Variants in SASH1 observed in about 807,000 individuals in gnomAD.
The protein encoded by SASH1 is SAM and SH3 domain containing 1, also known as SAM and SH3 domain-containing protein 1.
Under a neutral mutation model 125.2 loss-of-function variants are expected in SASH1, and 44 were observed. The ratio of observed to expected loss-of-function variants is 0.35; its 90% CI spans 0.28 to 0.45. The LOEUF is 0.45. Among genes scored for constraint, SASH1 ranks in the 20% least tolerant of loss-of-function variants. The pLI, the probability that SASH1 is intolerant of heterozygous loss-of-function variation, is 1.00. For synonymous variants in SASH1, 639 were observed against 649.1 expected (o/e 0.98, Z 0.24); for missense variants, 1,426 against 1,614.5 (o/e 0.88, Z 2.00).
chr6:148,200,458 T>C, the SASH1 span, among the ~76,000 whole-genome samples: 2 of 152,236 alleles, frequency 1.3e-5, no homozygotes, highest in Non-Finnish European at 2.9e-5. Flanking sequence ...CTTATCATTA[T>C]TGATGTGGCT....
the SASH1 span, among the ~76,000 whole-genome samples, chr6:148,217,224 C>T: frequency 3.3e-5 from 5 of 152,210 alleles, no homozygotes; most frequent in African/African-American, 4.8e-5. Flanking sequence ...TAGACAGACT[C>T]GAGCCAGACT....
At chr6:148,252,411 A>G in the SASH1 span, among the ~76,000 whole-genome samples, 1 of 151,912 alleles carries the variant, frequency 6.6e-6, no homozygotes, top group African/African-American at 2.4e-5. Flanking sequence ...CAACAGCTAC[A>G]TCATGGCTAT....
At chr6:148,423,962 A>G (rs983288811) in intron 2 of SASH1, among the ~76,000 whole-genome samples, 2 of 151,930 alleles carry the variant, frequency 1.3e-5, no homozygotes, top group Admixed American at 6.6e-5. Flanking sequence ...CACTCCAATC[A>G]AGTAGTGGAA....
chr6:148,337,137 C>T (rs1362077752), intron 1 of SASH1, among the ~76,000 whole-genome samples: 1 of 152,096 alleles, frequency 6.6e-6, no homozygotes, highest in Non-Finnish European at 1.5e-5. Context: ...CGGCTCACTG[C>T]AACCTCCGCC....
chr6:148,431,696 G>A (rs2114978523), intron 2 of SASH1, among the ~76,000 whole-genome samples: 1 of 151,728 alleles, frequency 6.6e-6, no homozygotes, highest in African/African-American at 2.4e-5. Flanking sequence ...TGGGACGGCT[G>A]GTTCGTCTGA....
intron 1 of SASH1, among the ~76,000 whole-genome samples, chr6:148,328,408 C>G (rs550342461): frequency 6.6e-6 from 1 of 152,108 alleles, no homozygotes; most frequent in African/African-American, 2.4e-5. Flanking sequence ...GCCTGGCTAA[C>G]ATGGTGAAAC....
chr6:148,505,688 C>T (rs1056234083), intron 8 of SASH1, among the ~76,000 whole-genome samples: 18 of 149,572 alleles, frequency 1.2e-4, no homozygotes, highest in African/African-American at 3.0e-4. Flanking sequence ...GTCACCCAGG[C>T]GTGCAGTGGC....
intron 9 of SASH1, among the ~76,000 whole-genome samples, chr6:148,517,998 C>G (rs1780542266): frequency 6.6e-6 from 1 of 152,168 alleles, no homozygotes; most frequent in African/African-American, 2.4e-5. Flanking sequence ...GTTGGGCTGC[C>G]CCTGCCACAG....
chr6:148,275,053 A>G (rs1378970967), intron 1 of SASH1, among the ~76,000 whole-genome samples: 2 of 152,136 alleles, frequency 1.3e-5, no homozygotes, highest in Non-Finnish European at 2.9e-5. Context: ...TTTGTAAGCC[A>G]TTGTTTAGAA....
At chr6:148,317,506 C>A (rs911186328) in intron 1 of SASH1, among the ~76,000 whole-genome samples, 32 of 152,250 alleles carry the variant, frequency 2.1e-4, no homozygotes, top group Non-Finnish European at 4.0e-4. Context: ...CTCACCGCAA[C>A]CTCCGCCTCC....
chr6:148,533,548 C>T lies in SASH1; in HGVS notation c.1735-223C>T, dbSNP rs940727831. On this transcript the variant is annotated intron_variant, in intron 14 of 19. Transcript: ENST00000367467. The surrounding 1 kb of genome is among the most constrained non-coding windows in gnomAD (Gnocchi z 6.2). ...GGCAGGAGGGTGGAGGGGCTGTGACCGGGGGCCTGCGTGGAATTCCGTACA... is the reference window on the plus strand; with the variant it reads ...GGCAGGAGGGTGGAGGGGCTGTGACTGGGGGCCTGCGTGGAATTCCGTACA... Among the ~76,000 whole-genome samples the T allele has an allele frequency of 6.6e-6, 1 of 152,026 alleles. No homozygotes were observed. The highest frequency in any genetic ancestry group is 1.5e-5 in the Non-Finnish European group (1 of 68,012).
chr6:148,517,852 G>A (rs556788557), intron 9 of SASH1, among the ~76,000 whole-genome samples: 31 of 152,318 alleles, frequency 2.0e-4, no homozygotes, highest in African/African-American at 7.0e-4. Context: ...CTTAGGATAC[G>A]CAGGGTGGAC....
At chr6:148,360,633 G>GCCCCCC (rs1458950843) in intron 1 of SASH1, among the ~76,000 whole-genome samples, 2 of 44,366 alleles carry the variant, frequency 4.5e-5, no homozygotes, top group African/African-American at 8.7e-5. Flanking sequence ...ACAGGCGTGA[G>GCCCCCC]CCACCCCCCC....
chr6:148,532,934 A>T lies in SASH1; in HGVS notation c.1702A>T (p.Ser568Cys), dbSNP rs779014627. 36 of 1,614,182 alleles carry T rather than the reference A, an allele frequency of 2.2e-5. No individual in the cohort carries two copies. Among genetic ancestry groups the T allele is most frequent in the Non-Finnish European group, 3.0e-5 (35 of 1,180,034 alleles). ...CAGGGTGCACACCGACTTCACCCCC[A>T]GTCCCTATGACACAGACTCACTCAA... ...RARVHTDFTP[S>C]PYDTDSLKLK... Residue 568 changes from serine (S) to cysteine (C), a missense_variant, in exon 14 of 20, where the codon AGT becomes TGT. By Grantham distance (112) the Ser-to-Cys change is moderately radical. This residue lies in a region of SASH1 where 225 missense variants were observed against 344.5 expected (regional missense o/e 0.65). Transcript: ENST00000367467. The surrounding 1 kb of genome is among the most constrained non-coding windows in gnomAD (Gnocchi z 4.7).
At chr6:148,359,329 T>TTTG (rs1782095935) in intron 1 of SASH1, among the ~76,000 whole-genome samples, 1 of 149,186 alleles carries the variant, frequency 6.7e-6, no homozygotes, top group African/African-American at 2.6e-5. Flanking sequence ...TGGCCGGTTT[T>TTTG]TTTTTTTTTT....
chr6:148,380,103 C>T (rs1029107839), intron 1 of SASH1, among the ~76,000 whole-genome samples: 2 of 152,268 alleles, frequency 1.3e-5, no homozygotes, highest in East Asian at 1.9e-4. Context: ...GGGTTACCAG[C>T]GTCATGCCTG....
intron 1 of SASH1, among the ~76,000 whole-genome samples, chr6:148,326,414 C>CTTTTCTTTTT (rs57839850): frequency 0.033 from 2,715 of 83,484 alleles, 83 homozygotes; most frequent in East Asian, 0.12. Flanking sequence ...CTTTTCTTTT[C>CTTTTCTTTTT]TTTTTTTTGA....
At position 148,380,524 on chromosome 6, in the gene SASH1, C is replaced by G. The variant is rs1002501693; in HGVS notation, c.157-9610C>G. ...CTATAATTGTGACTTCATTCCCACC[C>G]AATTATCTGTGCTGCTTTTCAAATC... On this transcript the variant is annotated intron_variant, in intron 1 of 19. Coordinates refer to ENST00000367467, the MANE Select transcript of SASH1 (RefSeq NM_015278.5). Among the ~76,000 whole-genome samples the G allele has an allele frequency of 2.6e-5, 4 of 152,172 alleles. No individual in the cohort carries two copies. The South Asian group carries it at 6.2e-4, about 24-fold the overall frequency.
intron 1 of SASH1, among the ~76,000 whole-genome samples, chr6:148,279,747 C>T (rs1329249181): frequency 6.6e-6 from 1 of 152,046 alleles, no homozygotes; most frequent in Non-Finnish European, 1.5e-5. Flanking sequence ...GAAATCCTAG[C>T]ACTTTGGGAG....
Sources: gnomAD v4.1 joint callset for allele counts (sites outside exome capture counted in the v4.1 genomes callset) on GRCh38, gnomAD v4.1.1 for gene constraint, gnomAD v4.1.1 regional missense constraint, Gnocchi (gnomAD v3.1) non-coding constraint, MANE v1.5 for transcripts, NCBI Gene and HGNC (gene_info 2026-07-23, HGNC 2026-07-21) for gene names.